Variants in ADCY9 observed in about 807,000 individuals in gnomAD.
The protein encoded by ADCY9 is adenylate cyclase type 9.
A neutral mutation model predicts 101.5 loss-of-function variants in ADCY9; 50 were observed. That is an observed-to-expected ratio of 0.49 (90% CI 0.39 to 0.62). The LOEUF (loss-of-function observed/expected upper bound fraction) is 0.62. Ranked by LOEUF, ADCY9 falls within the 20% of genes least tolerant of loss-of-function variation. ADCY9 has a pLI of 0.00. For synonymous variants in ADCY9, 905 were observed against 769.3 expected, an observed-to-expected ratio of 1.18 and a Z score of -2.92; for missense variants, 1,662 against 1,800.4, an observed-to-expected ratio of 0.92 and a Z score of 1.39.
At chr16:3,982,004 C>G (rs114341979) in intron 7 of ADCY9, 1 of 152,258 alleles carries the variant, frequency 6.6e-6, no homozygotes, top group Admixed American at 6.5e-5. Context: ...TTGCAGGCGA[C>G]GGCTCCTTTG....
In ADCY9 at chr16:3,965,991, C is replaced by T. The variant is rs777551003; in HGVS notation, c.3846G>A (p.Val1282=). The change falls in exon 11 of 11, where the codon GTG becomes GTA. Residue 1282 remains valine, a synonymous_variant. Transcript: ENST00000294016. The stretch of plus-strand genomic sequence containing the variant: ...TCTTGTCCACATACTGGACAGAAGG[C>T]ACCAGGTTGGCAATCTCGTCTGTGG... ...RSPTDEIANL[V]PSVQYVDKTS... The T allele has an allele frequency of 6.2e-7, 1 of 1,614,228 alleles. No individual in the cohort carries two copies. The highest frequency in any genetic ancestry group is 1.1e-5 in the South Asian group (1 of 91,084).
intron 2 of ADCY9, among the ~76,000 whole-genome samples, chr16:4,009,565 A>G (rs562663293): frequency 3.3e-5 from 5 of 152,224 alleles, no homozygotes; most frequent in African/African-American, 1.2e-4. Context: ...TCCAATGAAA[A>G]TCTTTCACTC....
At chr16:3,987,513 C>G (rs1310112917) in intron 6 of ADCY9, among the ~76,000 whole-genome samples, 1 of 152,252 alleles carries the variant, frequency 6.6e-6, no homozygotes, top group Non-Finnish European at 1.5e-5. Context: ...GGATAATCAT[C>G]AGCTTCCCTA....
rs370970209 is a variant in ADCY9 at position 4,106,397 on chromosome 16, T to G, written c.1693+7353A>C. Among the ~76,000 whole-genome samples, 6 of 152,212 alleles carry G rather than the reference T, an allele frequency of 3.9e-5. No individual in the cohort carries two copies. The South Asian group carries it at 1.2e-3, about 32-fold the overall frequency. ...TCTGATGCAGCCCAGTCCCTTCCCT[T>G]CTGTTCCGCGGCAGCACCGGTGCCT... On this transcript the variant is annotated intron_variant, in intron 2 of 10. Coordinates refer to ENST00000294016, the MANE Select transcript of ADCY9 (RefSeq NM_001116.4).
chr16:4,108,349 A>G (rs1409648589), intron 2 of ADCY9, among the ~76,000 whole-genome samples: 1 of 119,340 alleles, frequency 8.4e-6, no homozygotes, highest in African/African-American at 3.0e-5. Flanking sequence ...CCTTAATCAG[A>G]CCGTTTCTTC....
At chr16:3,988,019 G>A (rs1028782667) in intron 6 of ADCY9, among the ~76,000 whole-genome samples, 4 of 148,514 alleles carry the variant, frequency 2.7e-5, no homozygotes, top group Admixed American at 1.3e-4. Context: ...GATGGGTGTT[G>A]GGACTGTGCT....
intron 2 of ADCY9, among the ~76,000 whole-genome samples, chr16:4,068,589 C>T (rs1309273220): frequency 3.3e-5 from 5 of 151,848 alleles, no homozygotes; most frequent in East Asian, 1.9e-4. Flanking sequence ...CCTAGATGAG[C>T]GGATCATGAG....
intron 3 of ADCY9, among the ~76,000 whole-genome samples, chr16:4,006,177 G>A (rs1324644492): frequency 6.6e-6 from 1 of 152,194 alleles, no homozygotes; most frequent in East Asian, 1.9e-4. Flanking sequence ...GCACAGCTGG[G>A]GAGTAGGGTA....
In ADCY9 at chr16:3,986,606, C is replaced by T. The variant is rs926511257; in HGVS notation, c.2310+2388G>A. ...CCAAGTAGCTGGGATTACAGGCGCC[C>T]GCCACCATACCTGGCTAAGTTTTGT... On this transcript the variant is annotated intron_variant, in intron 6 of 10. Coordinates refer to ENST00000294016, the MANE Select transcript of ADCY9 (RefSeq NM_001116.4). Among the ~76,000 whole-genome samples, 25 of 152,064 alleles carry T rather than the reference C, an allele frequency of 1.6e-4. 1 individual carries two copies. The highest frequency in any genetic ancestry group is 5.8e-4 in the African/African-American group (24 of 41,406).
At chr16:4,100,851 C>G (rs1162573398) in intron 2 of ADCY9, among the ~76,000 whole-genome samples, 1 of 152,032 alleles carries the variant, frequency 6.6e-6, no homozygotes, top group Non-Finnish European at 1.5e-5. Flanking sequence ...CTCCCAGGAT[C>G]CTAGGATTTC....
At position 4,115,433 on chromosome 16, in the gene ADCY9, G is replaced by A. The variant is rs765879734; in HGVS notation, c.10C>T (p.Pro4Ser). 1.9e-6 allele frequency: 3 copies of A among 1,547,932 alleles called. No individual in the cohort carries two copies. Among genetic ancestry groups the A allele is most frequent in the Non-Finnish European group, 2.6e-6 (3 of 1,146,178 alleles). Residue 4 changes from proline (P) to serine (S), a missense_variant, in exon 2 of 11, where the codon CCA (proline) becomes TCA (serine). Pro to Ser is a moderately conservative substitution (Grantham distance 74, BLOSUM62 -1). This residue lies in a region of ADCY9 where 422 missense variants were observed against 392.0 expected (regional missense o/e 1.08). Coordinates refer to ENST00000294016, the MANE Select transcript of ADCY9 (RefSeq NM_001116.4). The surrounding 1 kb of genome is among the most constrained non-coding windows in gnomAD (Gnocchi z 6.2). The stretch of plus-strand genomic sequence containing the variant: ...TGATGCAGCAGCTGCTGGTGGGGTG[G>A]GGAAGCCATGTTGTCGAGTCCCGGG... MAS[P>S]PHQQLLHHHS...
intron 10 of ADCY9, 122 bp from the exon 11 acceptor site, chr16:3,967,088 G>A: frequency 1.3e-6 from 1 of 768,572 alleles, no homozygotes; most frequent in East Asian, 2.7e-5. Flanking sequence ...AAGCTGTCAA[G>A]CTGCCCATTC....
intron 2 of ADCY9, among the ~76,000 whole-genome samples, chr16:4,081,688 C>T (rs909711159): frequency 1.3e-5 from 2 of 150,632 alleles, no homozygotes; most frequent in African/African-American, 4.9e-5. Context: ...CGGGGAGCCC[C>T]CAGGGTGCAG....
At chr16:4,001,008 C>CACACACACATAT (rs3222326) in intron 3 of ADCY9, among the ~76,000 whole-genome samples, 1 of 135,626 alleles carries the variant, frequency 7.4e-6, no homozygotes, top group Non-Finnish European at 1.7e-5. Context: ...CACACACACA[C>CACACACACATAT]ATATATAATT....
chr16:4,023,857 C>A (rs904145228), intron 2 of ADCY9, among the ~76,000 whole-genome samples: 1 of 150,926 alleles, frequency 6.6e-6, no homozygotes, highest in Non-Finnish European at 1.5e-5. Context: ...CTGCAGTGGG[C>A]CGAGATTACG....
rs532077124 is a variant in ADCY9 at position 4,114,766 on chromosome 16, A to G, written c.677T>C (p.Met226Thr). Residue 226 changes from methionine (M) to threonine (T), a missense_variant, in exon 2 of 11, where the codon ATG (methionine) becomes ACG (threonine). This residue lies in a region of ADCY9 where 422 missense variants were observed against 392.0 expected (regional missense o/e 1.08). Transcript: ENST00000294016. This position sits in a 1 kb window ranked among gnomAD's most constrained non-coding sequence, Gnocchi z 4.3. ...GAGCAAAAAGAGCACTTCGATGCACATGGAGAAGCTCCCCACTTGAGATAA... is the reference window on the plus strand; with the variant it reads ...GAGCAAAAAGAGCACTTCGATGCACGTGGAGAAGCTCCCCACTTGAGATAA... ...TCLSQVGSFS[M>T]CIEVLFLLYT... is the part of the protein sequence containing the mutation. The G allele has an allele frequency of 8.1e-6, 13 of 1,613,254 alleles. No individual in the cohort carries two copies. The South Asian group carries it at 1.4e-4, about 18-fold the overall frequency.
At chr16:4,033,255 G>A (rs2056568032) in intron 2 of ADCY9, among the ~76,000 whole-genome samples, 1 of 152,034 alleles carries the variant, frequency 6.6e-6, no homozygotes, top group Admixed American at 6.6e-5. Flanking sequence ...CTACAAAAAT[G>A]ACAGAGACAA....
intron 3 of ADCY9, among the ~76,000 whole-genome samples, chr16:4,005,798 T>G (rs2056363155): frequency 6.6e-6 from 1 of 152,064 alleles, no homozygotes; most frequent in South Asian, 2.1e-4. Flanking sequence ...CACAACGAAT[T>G]ATATATTTTT....
intron 2 of ADCY9, chr16:4,015,773 C>T (rs1480251830): frequency 6.6e-6 from 1 of 152,080 alleles, no homozygotes; most frequent in Non-Finnish European, 1.5e-5. Flanking sequence ...TCAAGACCAG[C>T]TTGGCCAACA....
Sources: gnomAD v4.1 joint callset for allele counts (sites outside exome capture counted in the v4.1 genomes callset) on GRCh38, gnomAD v4.1.1 for gene constraint, gnomAD v4.1.1 regional missense constraint, Gnocchi (gnomAD v3.1) non-coding constraint, MANE v1.5 for transcripts, NCBI Gene and HGNC (gene_info 2026-07-23, HGNC 2026-07-21) for gene names.